Variants in COL8A1 observed in about 807,000 individuals in gnomAD.
COL8A1 encodes the protein collagen type VIII alpha 1 chain.
COL8A1 carries 21 observed loss-of-function variants against 42.7 expected under a neutral mutation model. The observed-to-expected ratio is 0.49, with a 90% confidence interval of 0.35 to 0.71. The LOEUF (loss-of-function observed/expected upper bound fraction) is 0.71. Ranked by LOEUF, COL8A1 falls within the 30% of genes least tolerant of loss-of-function variation. COL8A1 has a pLI of 0.01. For synonymous variants in COL8A1, 367 were observed against 369.1 expected (o/e 0.99, Z 0.06); for missense variants, 788 against 962.4 (o/e 0.82, Z 2.40).
chr3:99,749,860 T>C (rs1941103214), intron 2 of COL8A1, among the ~76,000 whole-genome samples: 1 of 151,944 alleles, frequency 6.6e-6, no homozygotes, highest in Non-Finnish European at 1.5e-5. Flanking sequence ...TAAATCAAAA[T>C]GGCTCTAAGA....
At chr3:99,748,447 G>T (rs970585355) in intron 2 of COL8A1, among the ~76,000 whole-genome samples, 2 of 151,986 alleles carry the variant, frequency 1.3e-5, no homozygotes, top group African/African-American at 4.8e-5. Context: ...ATGTTGAAAT[G>T]ATATTTTTAA....
At chr3:99,783,986 T>C (rs907971571) in intron 2 of COL8A1, among the ~76,000 whole-genome samples, 7 of 152,214 alleles carry the variant, frequency 4.6e-5, no homozygotes, top group Non-Finnish European at 1.0e-4. Flanking sequence ...TAATGAATAC[T>C]TTAAGCTTGT....
chr3:99,745,636 A>G (rs1941009799), intron 2 of COL8A1, among the ~76,000 whole-genome samples: 1 of 152,168 alleles, frequency 6.6e-6, no homozygotes, highest in Non-Finnish European at 1.5e-5. Flanking sequence ...GATATGTACT[A>G]AATTTTCCTA....
intron 1 of COL8A1, among the ~76,000 whole-genome samples, chr3:99,718,950 T>C (rs917960314): frequency 6.6e-6 from 1 of 152,022 alleles, no homozygotes; most frequent in South Asian, 2.1e-4. Context: ...ATATTAAATA[T>C]TGAACAAAAA....
chr3:99,727,936 C>G (rs891991483), intron 1 of COL8A1, among the ~76,000 whole-genome samples: 2 of 151,450 alleles, frequency 1.3e-5, no homozygotes, highest in African/African-American at 4.9e-5. Context: ...TGACAAAATT[C>G]AACAACCCTT....
At chr3:99,747,280 C>T (rs765494718) in intron 2 of COL8A1, among the ~76,000 whole-genome samples, 4 of 152,134 alleles carry the variant, frequency 2.6e-5, no homozygotes, top group South Asian at 2.1e-4. Flanking sequence ...CTCTAAGCAA[C>T]AATCATCATA....
intron 1 of COL8A1, among the ~76,000 whole-genome samples, chr3:99,655,409 A>G (rs1937986120): frequency 6.6e-6 from 1 of 152,210 alleles, no homozygotes; most frequent in South Asian, 2.1e-4. Flanking sequence ...TGGTTACAAG[A>G]TCTTAAATTT....
chr3:99,693,430 C>G (rs1349615478), intron 1 of COL8A1, among the ~76,000 whole-genome samples: 2 of 152,216 alleles, frequency 1.3e-5, no homozygotes, highest in Non-Finnish European at 2.9e-5. Flanking sequence ...CCCTGAAGTT[C>G]TTCCAGTGGG....
intron 2 of COL8A1, among the ~76,000 whole-genome samples, chr3:99,776,877 T>C (rs1941703550): frequency 6.6e-6 from 1 of 152,244 alleles, no homozygotes; most frequent in South Asian, 2.1e-4. Context: ...TGTAACTTTC[T>C]GAAATTGCCA....
rs1041643532 is a variant in COL8A1, at chr3:99,798,521, G to C, written c.*2385G>C. The C allele has an allele frequency of 3.3e-5, 5 of 152,120 alleles. No individual in the cohort carries two copies. The highest frequency in any genetic ancestry group is 2.0e-4 in the Admixed American group (3 of 15,278). The allele number at this position is 152,120 out of a possible 1,614,324, so 9.4% of individuals were successfully genotyped here. On this transcript the variant is annotated 3_prime_UTR_variant, in exon 4 of 4. Transcript: ENST00000652472. ...GGCTTTTAATTCCCACCAAGAAAGA[G>C]AGAAATTATCTTTTTAGTTAAAACC...
intron 1 of COL8A1, among the ~76,000 whole-genome samples, chr3:99,721,205 C>A (rs958948995): frequency 6.6e-6 from 1 of 151,852 alleles, no homozygotes; most frequent in Non-Finnish European, 1.5e-5. Flanking sequence ...TCAAAAAGTG[C>A]AAATGTTACT....
At chr3:99,659,462 T>C (rs1938132589) in intron 1 of COL8A1, among the ~76,000 whole-genome samples, 1 of 152,216 alleles carries the variant, frequency 6.6e-6, no homozygotes, top group Non-Finnish European at 1.5e-5. Flanking sequence ...AAATTGCTAA[T>C]AATAATAACT....
At chr3:99,763,236 T>C (rs942001507) in intron 2 of COL8A1, among the ~76,000 whole-genome samples, 1 of 152,194 alleles carries the variant, frequency 6.6e-6, no homozygotes, top group Non-Finnish European at 1.5e-5. Flanking sequence ...TTATCTAACA[T>C]AGAAATAACT....
intron 1 of COL8A1, among the ~76,000 whole-genome samples, chr3:99,724,407 C>T (rs1940242296): frequency 6.6e-6 from 1 of 152,086 alleles, no homozygotes; most frequent in African/African-American, 2.4e-5. Flanking sequence ...GTGTATAAAT[C>T]CAGTCTTGCT....
chr3:99,704,714 T>C (rs1292770521), intron 1 of COL8A1, among the ~76,000 whole-genome samples: 2 of 152,166 alleles, frequency 1.3e-5, no homozygotes, highest in Non-Finnish European at 2.9e-5. Flanking sequence ...TGGGTTACTT[T>C]GCATTATTAC....
At chr3:99,773,837 A>ATTTT (rs1172723632) in intron 2 of COL8A1, among the ~76,000 whole-genome samples, 19 of 45,388 alleles carry the variant, frequency 4.2e-4, no homozygotes, top group East Asian at 7.4e-4. Flanking sequence ...ATATATATAT[A>ATTTT]TTTTTTTTTT....
chr3:99,670,657 C>A (rs1405525429), intron 1 of COL8A1, among the ~76,000 whole-genome samples: 1 of 151,938 alleles, frequency 6.6e-6, no homozygotes, highest in East Asian at 1.9e-4. Flanking sequence ...TTATTTTGAA[C>A]TATACAACAC....
At chr3:99,732,465 AAGG>A (rs1398526115) in intron 1 of COL8A1, among the ~76,000 whole-genome samples, 3 of 152,158 alleles carry the variant, frequency 2.0e-5, no homozygotes, top group Non-Finnish European at 4.4e-5. Context: ...TGGCAGCAGC[AAGG>A]AGAAGTGCCA....
At chr3:99,766,868 G>T (rs1053471565) in intron 2 of COL8A1, among the ~76,000 whole-genome samples, 1 of 151,822 alleles carries the variant, frequency 6.6e-6, no homozygotes, top group African/African-American at 2.4e-5. Context: ...AGAATCGCTT[G>T]AACTCATGAG....
Sources: allele counts gnomAD v4.1 joint callset (sites outside exome capture counted in the v4.1 genomes callset), GRCh38; gene constraint gnomAD v4.1.1; transcripts MANE v1.5; gene names NCBI Gene and HGNC (gene_info 2026-07-23, HGNC 2026-07-21).